The following CARD10 variants were observed in gnomAD, a reference collection of about 807,000 sequenced individuals.
The protein encoded by CARD10 is caspase recruitment domain family member 10.
Under a neutral mutation model 114.6 loss-of-function variants are expected in CARD10, and 49 were observed. That is an observed-to-expected ratio of 0.43 (90% CI 0.34 to 0.54). The LOEUF is 0.54. CARD10 is among the 20% of genes least tolerant of loss of function. The pLI, the probability that CARD10 is intolerant of heterozygous loss-of-function variation, is 0.03. For synonymous variants in CARD10, 602 were observed against 593.2 expected, an observed-to-expected ratio of 1.01 and a Z score of -0.21; for missense variants, 1,206 against 1,397.2, an observed-to-expected ratio of 0.86 and a Z score of 2.18.
chr22:37,495,213 A>C (rs1347524931), intron 15 of CARD10, among the ~76,000 whole-genome samples: 3 of 152,012 alleles, frequency 2.0e-5, no homozygotes, highest in Non-Finnish European at 4.4e-5. Flanking sequence ...TGATCCGCCC[A>C]CCTCGGCCTC....
At chr22:37,518,144 G>A in intron 1 of CARD10, 36 bp from the exon 2 acceptor site, 1 of 1,600,400 alleles carries the variant, frequency 6.2e-7, no homozygotes, top group Non-Finnish European at 8.5e-7. Flanking sequence ...CAGGGTCTAG[G>A]GGAAGGCCTC....
intron 11 of CARD10, among the ~76,000 whole-genome samples, chr22:37,502,029 T>C (rs1167893647): frequency 6.6e-6 from 1 of 152,096 alleles, no homozygotes; most frequent in African/African-American, 2.4e-5. Flanking sequence ...TTAGATACAC[T>C]GGCAGGTGTG....
chr22:37,502,558 C>G (rs371160748), intron 11 of CARD10, 44 bp downstream of exon 11: 1 of 1,593,418 alleles, frequency 6.3e-7, no homozygotes, highest in African/African-American at 1.3e-5. Flanking sequence ...GTTCCCCTCT[C>G]AAGCAATCAC....
chr22:37,515,918 C>T, intron 3 of CARD10, 55 bp downstream of exon 3: 1 of 1,422,492 alleles, frequency 7.0e-7, no homozygotes, highest in Non-Finnish European at 9.5e-7. Context: ...CTGGCTACTA[C>T]ATTGCAAAAG....
chr22:37,517,860 G>A, intron 2 of CARD10, 111 bp downstream of exon 2: 1 of 1,382,850 alleles, frequency 7.2e-7, no homozygotes, highest in Non-Finnish European at 9.7e-7. Context: ...CCATGCCTCA[G>A]TTTCCCTTAC....
intron 5 of CARD10, 101 bp downstream of exon 5, chr22:37,508,426 G>A: frequency 7.9e-7 from 1 of 1,264,536 alleles, no homozygotes; most frequent in Non-Finnish European, 1.1e-6. Flanking sequence ...GCAGTTCTCA[G>A]CGCGGCGCCT....
Position 37,496,375 on chromosome 22 carries a change from C to T in CARD10, c.2059+74G>A. On this transcript the variant is annotated intron_variant, in intron 13 of 19. Coordinates refer to ENST00000251973, the MANE Select transcript of CARD10 (RefSeq NM_014550.4). This position sits in a 1 kb window ranked among gnomAD's most constrained non-coding sequence, Gnocchi z 4.1. Reference sequence around the variant, plus strand: ...CTGGTCCCTTCTCAGGTCCTTGGTCCCTCCCCACCCCATGCACCACGGGTT... The same window carrying T: ...CTGGTCCCTTCTCAGGTCCTTGGTCTCTCCCCACCCCATGCACCACGGGTT... 1 of 1,108,330 alleles carries T rather than the reference C, an allele frequency of 9.0e-7. No homozygotes were observed. The highest frequency in any genetic ancestry group is 1.3e-6 in the Non-Finnish European group (1 of 757,450). The allele number at this position is 1,108,330 out of a possible 1,614,324, so 68.7% of individuals were successfully genotyped here.
At chr22:37,509,700 CT>C (rs1426003190) in intron 4 of CARD10, among the ~76,000 whole-genome samples, 2 of 139,890 alleles carry the variant, frequency 1.4e-5, no homozygotes, top group African/African-American at 2.6e-5. Flanking sequence ...CTGACCCCCC[CT>C]CAACCCCCAT....
At position 37,496,931 on chromosome 22, in the gene CARD10, C is replaced by T. The variant is rs1329070264; in HGVS notation, c.1947+88G>A. 2 of 1,418,328 alleles carry T rather than the reference C, an allele frequency of 1.4e-6. No individual in the cohort carries two copies. The highest frequency in any genetic ancestry group is 2.3e-5 in the Admixed American group (1 of 43,010). 87.9% of individuals were successfully genotyped at this position (1,418,328 alleles called of 1,614,324 possible). ...TTGACCAATCCCCAGAAGCTCTGCC[C>T]GGTGATCTTGATCCACCAAATTAAG... On this transcript the variant is annotated intron_variant, in intron 12 of 19. Transcript: ENST00000251973. This position sits in a 1 kb window ranked among gnomAD's most constrained non-coding sequence, Gnocchi z 4.1.
chr22:37,496,422 C>T lies in CARD10; in HGVS notation c.2059+27G>A. ...GGTTAGAGGACCCCTCTGGGGCCAA[C>T]AGCTCCGACTCCCAAGCCAGACTTA... On this transcript the variant is annotated intron_variant, in intron 13 of 19. Coordinates refer to ENST00000251973, the MANE Select transcript of CARD10 (RefSeq NM_014550.4). This position sits in a 1 kb window ranked among gnomAD's most constrained non-coding sequence, Gnocchi z 4.1. 6.4e-7 allele frequency: 1 copy of T among 1,555,682 alleles called. No homozygotes were observed. The highest frequency in any genetic ancestry group is 8.9e-7 in the Non-Finnish European group (1 of 1,129,008).
intron 5 of CARD10, among the ~76,000 whole-genome samples, 182 bp from the exon 6 acceptor site, chr22:37,508,136 C>T (rs919350543): frequency 2.6e-5 from 4 of 152,152 alleles, no homozygotes; most frequent in Admixed American, 6.5e-5. Flanking sequence ...CCTCAACTGC[C>T]TAATCTGTAA....
rs1923331295 is a variant in CARD10, at chr22:37,504,395, A to G, written c.1519-94T>C. 3.6e-6 allele frequency: 4 copies of G among 1,100,802 alleles called. No homozygotes were observed. The South Asian group carries it at 6.7e-5, about 18-fold the overall frequency. 68.2% of individuals were successfully genotyped at this position (1,100,802 alleles called of 1,614,324 possible). ...GTTTGTGCCCATTCCACAAATGAGAAGTAGGGCCCAGAGCAGAAGAGCGGG... is the reference window on the plus strand; with the variant it reads ...GTTTGTGCCCATTCCACAAATGAGAGGTAGGGCCCAGAGCAGAAGAGCGGG... On this transcript the variant is annotated intron_variant, in intron 8 of 19. Transcript: ENST00000251973.
At chr22:37,497,552 T>C (rs1202946171) in intron 11 of CARD10, among the ~76,000 whole-genome samples, 1 of 152,176 alleles carries the variant, frequency 6.6e-6, no homozygotes, top group African/African-American at 2.4e-5. Flanking sequence ...GTCTGGCACA[T>C]AGCAGATGAC....
chr22:37,495,728 G>A, intron 14 of CARD10, 32 bp downstream of exon 14: 1 of 1,612,644 alleles, frequency 6.2e-7, no homozygotes. Context: ...CTCCCAGGGG[G>A]ACCCCATCCC....
At position 37,519,296 on chromosome 22, in the gene CARD10, C is replaced by T; in HGVS notation, c.-96G>A. On this transcript the variant is annotated 5_prime_UTR_variant, in exon 1 of 20. Coordinates refer to ENST00000251973, the MANE Select transcript of CARD10 (RefSeq NM_014550.4). The surrounding 1 kb of genome is among the most constrained non-coding windows in gnomAD (Gnocchi z 4.1). The stretch of plus-strand genomic sequence containing the variant: ...CGGCCAAGCACCCCCGGGGCGTCGT[C>T]CGCAGACCCGCCGTCGGGGGCGCGC... 2.2e-6 allele frequency: 3 copies of T among 1,348,184 alleles called. No individual in the cohort carries two copies. The highest frequency in any genetic ancestry group is 2.8e-4 in the Middle Eastern group (1 of 3,622). The allele number at this position is 1,348,184 out of a possible 1,614,324, so 83.5% of individuals were successfully genotyped here.
intron 11 of CARD10, among the ~76,000 whole-genome samples, chr22:37,498,912 G>C (rs925819534): frequency 3.7e-5 from 5 of 134,146 alleles, no homozygotes; most frequent in African/African-American, 8.1e-5. Context: ...GGGTGGGGGG[G>C]GGGGGCACAT....
At chr22:37,503,376 T>C (rs1273585325) in intron 9 of CARD10, among the ~76,000 whole-genome samples, 163 bp from the exon 10 acceptor site, 3 of 152,184 alleles carry the variant, frequency 2.0e-5, no homozygotes, top group African/African-American at 4.8e-5. Flanking sequence ...CCATGCCACC[T>C]GGCTCCCCTA....
rs1323074400 is a variant in CARD10, at chr22:37,519,260, G to A, written c.-60C>T. ...ACGGGGGTCGACCAGGGCTCCCTAG[G>A]GCTAGATGTGCGGCCAAGCACCCCC... On this transcript the variant is annotated 5_prime_UTR_variant, in exon 1 of 20. Coordinates refer to ENST00000251973, the MANE Select transcript of CARD10 (RefSeq NM_014550.4). This position sits in a 1 kb window ranked among gnomAD's most constrained non-coding sequence, Gnocchi z 4.1. 2.8e-6 allele frequency: 4 copies of A among 1,410,358 alleles called. No homozygotes were observed. The Admixed American group carries it at 1.1e-4, about 40-fold the overall frequency. The allele number at this position is 1,410,358 out of a possible 1,614,324, so 87.4% of individuals were successfully genotyped here.
chr22:37,491,373 C>A lies in CARD10; in HGVS notation c.2885G>T (p.Gly962Val), dbSNP rs752206981. Residue 962 changes from glycine to valine, a missense_variant, in exon 20 of 20, where the codon GGC becomes GTC. Transcript: ENST00000251973. The stretch of plus-strand genomic sequence containing the variant: ...CCGCAGCAGCTCTGAGTCCCGCCAG[C>A]CCGGCCGGCCCAGCAGACCCCTGCC... ...REVRGLLGRPGWRDSELLRQC... is the reference protein window; with the variant it reads ...REVRGLLGRPVWRDSELLRQC... 9 of 1,503,086 alleles carry A rather than the reference C, an allele frequency of 6.0e-6. No homozygotes were observed. In the East Asian group the frequency reaches 2.2e-4, roughly 37 times the overall value. 93.1% of individuals were successfully genotyped at this position (1,503,086 alleles called of 1,614,324 possible).
Sources: gnomAD v4.1 joint callset for allele counts (sites outside exome capture counted in the v4.1 genomes callset) on GRCh38, gnomAD v4.1.1 for gene constraint, Gnocchi (gnomAD v3.1) non-coding constraint, MANE v1.5 for transcripts, NCBI Gene and HGNC (gene_info 2026-07-23, HGNC 2026-07-21) for gene names.